LIF: variants seen among roughly 807,000 people sequenced by gnomAD.
The protein encoded by LIF is LIF interleukin 6 family cytokine.
LIF carries 9 observed loss-of-function variants against 15.0 expected under a neutral mutation model. The observed-to-expected ratio is 0.60, with a 90% CI of 0.36 to 1.04. LIF has a LOEUF of 1.04. Ranked by LOEUF, LIF falls within the 50% of genes least tolerant of loss-of-function variation. LIF has a pLI of 0.01. For synonymous variants in LIF, 122 were observed against 119.7 expected (o/e 1.02, Z -0.13); for missense variants, 240 against 266.7 (o/e 0.90, Z 0.70).
At chr22:30,246,250 C>T in intron 1 of LIF, 1 of 179,196 alleles carries the variant, frequency 5.6e-6, no homozygotes, top group East Asian at 1.7e-4. Flanking sequence ...GCAAGCTGCT[C>T]GCCGCCCGCG....
rs768588033 is a variant in LIF, at chr22:30,246,714, G to C, written c.-19C>G. ...CCTTCATTATGGGCTGCACTTCAGA[G>C]GGCCTTGGAGGAAACCTCAGATGCC... On this transcript the variant is annotated 5_prime_UTR_variant, in exon 1 of 3. Coordinates refer to ENST00000249075, the MANE Select transcript of LIF (RefSeq NM_002309.5). 6.4e-7 allele frequency: 1 copy of C among 1,555,114 alleles called. No individual in the cohort carries two copies. Among genetic ancestry groups the C allele is most frequent in the Non-Finnish European group, 8.7e-7 (1 of 1,148,426 alleles).
At chr22:30,246,387 T>G (rs1928892114) in intron 1 of LIF, 1 of 894,800 alleles carries the variant, frequency 1.1e-6, no homozygotes, top group South Asian at 5.2e-5. Context: ...CCAGCGAGTG[T>G]CCGGAGCGAG....
chr22:30,243,574 C>T lies in LIF; in HGVS notation c.*77G>A. On this transcript the variant is annotated 3_prime_UTR_variant, in exon 3 of 3. Coordinates refer to ENST00000249075, the MANE Select transcript of LIF (RefSeq NM_002309.5). This position sits in a 1 kb window ranked among gnomAD's most constrained non-coding sequence, Gnocchi z 6.0. Reference sequence around the variant, plus strand: ...GGTTTAGCGATGCCCTGGGCCCCAGCCACCCTTGGACAGGCCCCCACATCT... The same window carrying T: ...GGTTTAGCGATGCCCTGGGCCCCAGTCACCCTTGGACAGGCCCCCACATCT... The T allele has an allele frequency of 6.3e-7, 1 of 1,592,462 alleles. No homozygotes were observed. Among genetic ancestry groups the T allele is most frequent in the Admixed American group, 1.7e-5 (1 of 60,000 alleles).
At chr22:30,244,479 C>A (rs1309310989) in intron 2 of LIF, among the ~76,000 whole-genome samples, 1 of 152,160 alleles carries the variant, frequency 6.6e-6, no homozygotes, top group East Asian at 1.9e-4. Flanking sequence ...CCCTCCATCC[C>A]TCGCTCCCTG....
chr22:30,246,590 G>T (rs1173310994), intron 1 of LIF, 87 bp downstream of exon 1: 3 of 1,502,596 alleles, frequency 2.0e-6, no homozygotes, highest in South Asian at 1.3e-5. Flanking sequence ...CGGCGGGTGG[G>T]CGTCCGGCTC....
intron 2 of LIF, 42 bp from the exon 3 acceptor site, chr22:30,244,103 T>G: frequency 6.4e-7 from 1 of 1,565,702 alleles, no homozygotes. Flanking sequence ...CAGGGGTCAG[T>G]GTCCCAGCCC....
intron 1 of LIF, 29 bp downstream of exon 1, chr22:30,246,648 C>T (rs781545965): frequency 1.3e-6 from 2 of 1,549,438 alleles, no homozygotes; most frequent in South Asian, 2.4e-5. Flanking sequence ...AGCGGGGACG[C>T]GAAGCCGGCG....
rs150014719 is a variant in LIF, at chr22:30,244,036, G to T, written c.224C>A (p.Pro75His). 55 of 1,610,592 alleles carry T rather than the reference G, an allele frequency of 3.4e-5. No homozygotes were observed. The highest frequency in any genetic ancestry group is 4.5e-5 in the Non-Finnish European group (53 of 1,179,440). Residue 75 changes from proline (P) to histidine (H), a missense_variant, in exon 3 of 3, where the codon CCC (proline) becomes CAC (histidine). Physicochemically the swap from Pro to His is moderately conservative, Grantham distance 77. Transcript: ENST00000249075. ...LYYTAQGEPFPNNLDKLCGPN... is the reference protein window; with the variant it reads ...LYYTAQGEPFHNNLDKLCGPN... ...GCCACATAGCTTGTCCAGGTTGTTG[G>T]GGAACGGCTCCCCCTGGGCTGTGTA...
At chr22:30,244,673 C>G in intron 2 of LIF, 82 bp downstream of exon 2, 1 of 1,371,780 alleles carries the variant, frequency 7.3e-7, no homozygotes, top group Admixed American at 1.9e-5. Context: ...AAGGTCCCCT[C>G]AACCCAGATC....
intron 1 of LIF, among the ~76,000 whole-genome samples, chr22:30,246,047 A>G (rs1928876483): frequency 1.3e-5 from 2 of 152,242 alleles, no homozygotes; most frequent in African/African-American, 4.8e-5. Flanking sequence ...ATGCTGGAAC[A>G]GCGGGGACAG....
At chr22:30,246,379 A>T in intron 1 of LIF, 2 of 790,272 alleles carry the variant, frequency 2.5e-6, no homozygotes, top group Middle Eastern at 8.2e-4. Context: ...AAGAGCAGCC[A>T]GCGAGTGTCC....
In LIF at chr22:30,243,898, C is replaced by A. The variant is rs760850410; in HGVS notation, c.362G>T (p.Arg121Leu). The change falls in exon 3 of 3, where the codon CGG (arginine) becomes CTG (leucine). Residue 121 changes from arginine to leucine, a missense_variant. Arg to Leu is a moderately radical substitution (Grantham distance 102). Coordinates refer to ENST00000249075, the MANE Select transcript of LIF (RefSeq NM_002309.5). This position sits in a 1 kb window ranked among gnomAD's most constrained non-coding sequence, Gnocchi z 6.0. ...ACTGGGGTTGAGGATCTTCTGGTCC[C>A]GGGTGATGTTGCCCAGGGAGGTGCC... is the stretch of plus-strand genomic sequence containing the variant. ...YLGTSLGNIT[R>L]DQKILNPSAL... 8.7e-6 allele frequency: 14 copies of A among 1,614,068 alleles called. No individual in the cohort carries two copies. In the Admixed American group the frequency reaches 2.0e-4, roughly 23 times the overall value.
Position 30,243,819 on chromosome 22 carries a change from G to C in LIF, c.441C>G (p.Leu147=). 6.2e-7 allele frequency: 1 copy of C among 1,614,268 alleles called. No homozygotes were observed. Among genetic ancestry groups the C allele is most frequent in the Non-Finnish European group, 8.5e-7 (1 of 1,180,050 alleles). Residue 147 remains leucine (L), a synonymous_variant, in exon 3 of 3, where the codon CTC becomes CTG. Coordinates refer to ENST00000249075, the MANE Select transcript of LIF (RefSeq NM_002309.5). This position sits in a 1 kb window ranked among gnomAD's most constrained non-coding sequence, Gnocchi z 6.0. ...ACAGGCGGCACAGCACGTTGCTAAG[G>C]AGGCCTCGCAGGATGTCGGCGGTGG... The part of the protein sequence containing the change: ...LNATADILRG[L]LSNVLCRLCS...
At chr22:30,245,052 C>T (rs1928829687) in intron 1 of LIF, 119 bp from the exon 2 acceptor site, 1 of 889,576 alleles carries the variant, frequency 1.1e-6, no homozygotes, top group Non-Finnish European at 1.8e-6. Flanking sequence ...GGTTCCCCCT[C>T]ACCACCTGCA....
At chr22:30,244,711 C>A (rs775774731) in intron 2 of LIF, 44 bp downstream of exon 2, 4 of 1,570,098 alleles carry the variant, frequency 2.5e-6, no homozygotes, top group South Asian at 1.1e-5. Context: ...TATTTACAAG[C>A]CCCCTCCCTG....
In LIF at chr22:30,243,200, C is replaced by T; in HGVS notation, c.*451G>A. ...AAGGAGTCCTTTGGGATCCTAGCCC[C>T]TCTGGCCCACCTAAGTCCCAACCTA... On this transcript the variant is annotated 3_prime_UTR_variant, in exon 3 of 3. Coordinates refer to ENST00000249075, the MANE Select transcript of LIF (RefSeq NM_002309.5). The surrounding 1 kb of genome is among the most constrained non-coding windows in gnomAD (Gnocchi z 6.0). 3.9e-6 allele frequency: 1 copy of T among 253,942 alleles called. No individual in the cohort carries two copies. The highest frequency in any genetic ancestry group is 7.8e-6 in the Non-Finnish European group (1 of 128,570). The allele number at this position is 253,942 out of a possible 1,614,324, so 15.7% of individuals were successfully genotyped here. A position where few individuals can be genotyped will look rare whatever the true frequency, so the allele number is the denominator to read the frequency against.
intron 1 of LIF, among the ~76,000 whole-genome samples, chr22:30,245,604 A>G (rs1250819932): frequency 6.9e-6 from 1 of 144,320 alleles, no homozygotes; most frequent in African/African-American, 2.6e-5. Flanking sequence ...AGCTCACCCC[A>G]TTTCTGCCTG....
Position 30,244,092 on chromosome 22 carries a change from T to C in LIF, c.199-31A>G, listed in dbSNP as rs144047209. On this transcript the variant is annotated intron_variant, in intron 2 of 2. Transcript: ENST00000249075. ...GGGCAGAAGGGAGGTGACGTGGGAG[T>C]CAGGGGTCAGTGTCCCAGCCCTGCC... The C allele has an allele frequency of 1.6e-5, 25 of 1,579,010 alleles. No homozygotes were observed. In the African/African-American group the frequency reaches 2.0e-4, roughly 13 times the overall value.
chr22:30,244,890 C>T lies in LIF; in HGVS notation c.63G>A (p.Ala21=), dbSNP rs368278663. The T allele has an allele frequency of 2.4e-5, 38 of 1,614,018 alleles. No individual in the cohort carries two copies. Among genetic ancestry groups the T allele is most frequent in the South Asian group, 7.7e-5 (7 of 91,084 alleles). The change falls in exon 2 of 3, where the codon GCG becomes GCA. Residue 21 remains alanine (A), a synonymous_variant. Transcript: ENST00000249075. ...CAGGGGTGATGGGGAGGGGGCTCCCCGCCCCATGTTTCCAGTGCAGAACCA... is the reference window on the plus strand; with the variant it reads ...CAGGGGTGATGGGGAGGGGGCTCCCTGCCCCATGTTTCCAGTGCAGAACCA... ...LLLVLHWKHG[A]GSPLPITPVN...
Sources: gnomAD v4.1 joint callset for allele counts (sites outside exome capture counted in the v4.1 genomes callset) on GRCh38, gnomAD v4.1.1 for gene constraint, Gnocchi (gnomAD v3.1) non-coding constraint, MANE v1.5 for transcripts, NCBI Gene and HGNC (gene_info 2026-07-23, HGNC 2026-07-21) for gene names.